The following KDM5C variants were observed in gnomAD, a reference collection of about 807,000 sequenced individuals.
KDM5C encodes lysine demethylase 5C, also known as lysine-specific demethylase 5C.
KDM5C carries 16 observed loss-of-function variants against 110.6 expected under a neutral mutation model. That is an observed-to-expected ratio of 0.14 (90% confidence interval 0.10 to 0.22). The LOEUF is 0.22. KDM5C is among the 10% of genes least tolerant of loss of function. KDM5C has a pLI of 1.00. For missense variants in KDM5C, 681 were observed against 1,300.9 expected, an observed-to-expected ratio of 0.52 and a Z score of 7.33; for synonymous variants, 511 against 520.4, an observed-to-expected ratio of 0.98 and a Z score of 0.24.
At chrX:53,195,467 C>T (rs1478975438) in intron 20 of KDM5C, 57 bp from the exon 21 acceptor site, 2 of 1,058,528 alleles carry the variant, frequency 1.9e-6, no homozygotes, top group Non-Finnish European at 2.6e-6. Context: ...TTGATGCTTA[C>T]TCTGTGCCTG....
chrX:53,190,072 G>A (rs1934357508), downstream of KDM5C, among the ~76,000 whole-genome samples: 1 of 112,322 alleles, frequency 8.9e-6, no homozygotes, highest in Non-Finnish European at 1.9e-5. Context: ...TGACTTTGAG[G>A]TGAGAAGATA....
chrX:53,215,317 T>C lies in KDM5C; in HGVS notation c.964-470A>G, dbSNP rs182012862. ...TGAAACCTGAAGGCAAAACAAAACA[T>C]GGCAACAGGGCAGAGCACAGGGGGA... On this transcript the variant is annotated intron_variant, in intron 7 of 25. Coordinates refer to ENST00000375401, the MANE Select transcript of KDM5C (RefSeq NM_004187.5). 23 of 311,538 alleles carry C rather than the reference T, an allele frequency of 7.4e-5. No homozygotes were observed. In the East Asian group the frequency reaches 2.0e-3, roughly 28 times the overall value. 25.7% of individuals were successfully genotyped at this position (311,538 alleles called of 1,213,427 possible). A position where few individuals can be genotyped will look rare whatever the true frequency, so the allele number is the denominator to read the frequency against.
intron 12 of KDM5C, among the ~76,000 whole-genome samples, chrX:53,206,159 G>A (rs1390000219): frequency 8.9e-6 from 1 of 112,592 alleles, no homozygotes; most frequent in Non-Finnish European, 1.9e-5. Context: ...AAGGAATAAA[G>A]TTCTGATACA....
chrX:53,193,426 C>T lies in KDM5C; in HGVS notation c.4317+11G>A. 8.3e-7 allele frequency: 1 copy of T among 1,211,787 alleles called. No individual in the cohort carries two copies. The highest frequency in any genetic ancestry group is 1.1e-6 in the Non-Finnish European group (1 of 895,400). On this transcript the variant is annotated intron_variant, in intron 25 of 25. Transcript: ENST00000375401. ...TGACCTCCTGGCCCGGCCCATGACC[C>T]CTCTCCTCACCTCCAGAAGTGTGCG...
rs782680536 is a variant in KDM5C at position 53,193,243 on chromosome X, G to A, written c.4407C>T (p.Gly1469=). 1.4e-5 allele frequency: 17 copies of A among 1,206,692 alleles called. No homozygotes were observed. Among genetic ancestry groups the A allele is most frequent in the East Asian group, 5.9e-5 (2 of 33,638 alleles). ...RRRKVDRGGE[G]DDPAREELEP... ...CTAGCTCCTCTCGGGCTGGGTCATCGCCCTCCCCACCCCGATCCACCTTCC... is the reference window on the plus strand; with the variant it reads ...CTAGCTCCTCTCGGGCTGGGTCATCACCCTCCCCACCCCGATCCACCTTCC... Residue 1469 remains glycine, a synonymous_variant, in exon 26 of 26, where the codon GGC becomes GGT. Transcript: ENST00000375401.
intron 12 of KDM5C, 106 bp downstream of exon 12, chrX:53,210,308 G>T: frequency 9.6e-7 from 1 of 1,038,775 alleles, no homozygotes; most frequent in South Asian, 1.9e-5. Context: ...CAGCAATGAA[G>T]AAAGGCCAGG....
chrX:53,219,953 G>A (rs1226759430), intron 2 of KDM5C, among the ~76,000 whole-genome samples: 5 of 111,985 alleles, frequency 4.5e-5, no homozygotes, highest in Non-Finnish European at 9.4e-5. Context: ...AACTGGTCTT[G>A]AACTCCTGAG....
chrX:53,213,435 T>C (rs1556850039), intron 8 of KDM5C, among the ~76,000 whole-genome samples: 1 of 112,246 alleles, frequency 8.9e-6, no homozygotes, highest in Non-Finnish European at 1.9e-5. Flanking sequence ...ATAAGGCGAA[T>C]GTCTGCTCTA....
downstream of KDM5C, among the ~76,000 whole-genome samples, chrX:53,188,347 A>G (rs1602149648): frequency 9.5e-6 from 1 of 104,903 alleles, no homozygotes; most frequent in Non-Finnish European, 1.9e-5. Flanking sequence ...ATCCCCTCCC[A>G]TTGAGTGTGG....
intron 12 of KDM5C, among the ~76,000 whole-genome samples, chrX:53,204,216 G>A (rs1405223877): frequency 1.9e-5 from 2 of 103,341 alleles, no homozygotes; most frequent in Non-Finnish European, 3.9e-5. Context: ...TTGCAGGCCA[G>A]TCAGATTCCC....
intron 1 of KDM5C, among the ~76,000 whole-genome samples, chrX:53,223,224 C>T (rs1210184984): frequency 9.0e-6 from 1 of 111,621 alleles, no homozygotes; most frequent in Non-Finnish European, 1.9e-5. Flanking sequence ...GTCAGCTATG[C>T]CTCTTTTTCC....
chrX:53,215,075 G>C, intron 7 of KDM5C: 2 of 490,634 alleles, frequency 4.1e-6, no homozygotes, highest in Non-Finnish European at 7.3e-6. Flanking sequence ...CCCGTATTCA[G>C]AACTACGCTG....
chrX:53,206,472 TA>T (rs1166150377), intron 12 of KDM5C, among the ~76,000 whole-genome samples: 2 of 111,790 alleles, frequency 1.8e-5, no homozygotes, highest in Non-Finnish European at 3.8e-5. Context: ...CATACCGCAA[TA>T]AAACTTTAAA....
chrX:53,186,795 T>C (rs1159549229), downstream of KDM5C, among the ~76,000 whole-genome samples: 2 of 112,531 alleles, frequency 1.8e-5, no homozygotes, highest in Non-Finnish European at 3.8e-5. Context: ...CCTGGTCACA[T>C]AGCTGGTCAG....
Position 53,204,721 on chromosome X carries a change from C to T in KDM5C, c.1747-2748G>A, listed in dbSNP as rs1274797766. ...CTGTGTTAGCCAGGATGGTCTCAAT[C>T]TCCTGACCTCATGATCCACCCGCCT... is the stretch of plus-strand genomic sequence containing the variant. On this transcript the variant is annotated intron_variant, in intron 12 of 25. Transcript: ENST00000375401. Among the ~76,000 whole-genome samples the T allele has an allele frequency of 4.5e-5, 5 of 111,520 alleles. No individual in the cohort carries two copies. In the Admixed American group the frequency reaches 4.7e-4, roughly 11 times the overall value.
At chrX:53,210,990 T>C (rs1190239530) in intron 10 of KDM5C, 133 bp from the exon 11 acceptor site, 11 of 569,135 alleles carry the variant, frequency 1.9e-5, no homozygotes, top group Admixed American at 1.9e-4. Context: ...AAGAAACATA[T>C]AGGTTTTCTC....
intron 7 of KDM5C, chrX:53,215,577 C>G: frequency 2.2e-6 from 1 of 455,313 alleles, no homozygotes; most frequent in Non-Finnish European, 3.9e-6. Context: ...CTTCTCTGGA[C>G]CCTTCCAGCA....
In KDM5C at chrX:53,180,474, C is replaced by G. The variant is rs184649070; in HGVS notation, c.4309-3852G>C. Among the ~76,000 whole-genome samples the G allele has an allele frequency of 1.3e-4, 14 of 111,178 alleles. No individual in the cohort carries two copies. In the East Asian group the frequency reaches 3.4e-3, roughly 27 times the overall value. ...TATTGACTATAACGAATGTACCACT[C>G]TGCTGGGGATGTTGATAGTGGGGGA... On this transcript the variant is annotated intron_variant, in intron 25 of 25. Coordinates refer to the KDM5C transcript ENST00000685641.
At chrX:53,220,734 G>C in intron 2 of KDM5C, 105 bp downstream of exon 2, 1 of 642,943 alleles carries the variant, frequency 1.6e-6, no homozygotes, top group Non-Finnish European at 2.5e-6. Context: ...GAGAATAAAG[G>C]CCTAGCTAGG....
Sources: gnomAD v4.1 joint callset for allele counts (sites outside exome capture counted in the v4.1 genomes callset) on GRCh38, gnomAD v4.1.1 for gene constraint, MANE v1.5 for transcripts, NCBI Gene and HGNC (gene_info 2026-07-23, HGNC 2026-07-21) for gene names.